The following GLIS3 variants were observed in gnomAD, a reference collection of about 807,000 sequenced individuals.
GLIS3 encodes GLIS family zinc finger 3.
GLIS3 carries 53 observed loss-of-function variants against 78.6 expected under a neutral mutation model. The observed-to-expected ratio is 0.67, with a 90% CI of 0.54 to 0.85. The LOEUF is 0.85. Among genes scored for constraint, GLIS3 ranks in the 40% least tolerant of loss-of-function variants. The probability of loss-of-function intolerance (pLI) is 0.00; values close to 1 mark genes in which losing one functional copy is unlikely to be tolerated. For synonymous variants in GLIS3, 684 were observed against 509.9 expected (o/e 1.34, Z -4.60); for missense variants, 1,703 against 1,231.1 (o/e 1.38, Z -5.74).
At chr9:3,918,091 G>C (rs1341067029) in intron 6 of GLIS3, among the ~76,000 whole-genome samples, 2 of 152,198 alleles carry the variant, frequency 1.3e-5, no homozygotes, top group Non-Finnish European at 2.9e-5. Flanking sequence ...AAAATGTTTA[G>C]GGCTAAATGC....
chr9:4,394,680 T>C, the GLIS3 span, among the ~76,000 whole-genome samples: 4 of 152,232 alleles, frequency 2.6e-5, no homozygotes, highest in African/African-American at 9.6e-5. Context: ...CTGCATTCAT[T>C]TCATTTTTCT....
At chr9:4,195,359 G>C (rs1428968077) in intron 2 of GLIS3, among the ~76,000 whole-genome samples, 3 of 152,206 alleles carry the variant, frequency 2.0e-5, no homozygotes, top group Admixed American at 2.0e-4. Flanking sequence ...CGAGTTCTGG[G>C]TGGGCGTGGG....
chr9:4,078,461 C>A (rs1021167252), intron 4 of GLIS3, among the ~76,000 whole-genome samples: 3 of 152,306 alleles, frequency 2.0e-5, no homozygotes, highest in Non-Finnish European at 4.4e-5. Flanking sequence ...CAATATAATT[C>A]TTCTTGCATG....
chr9:4,055,080 A>C (rs770557367), intron 4 of GLIS3, among the ~76,000 whole-genome samples: 13 of 152,160 alleles, frequency 8.5e-5, no homozygotes, highest in African/African-American at 2.4e-5. Flanking sequence ...GGGTAAGGGG[A>C]GAATGAAAGA....
At chr9:4,269,810 G>C (rs1357332133) in intron 2 of GLIS3, among the ~76,000 whole-genome samples, 1 of 152,170 alleles carries the variant, frequency 6.6e-6, no homozygotes, top group Admixed American at 6.5e-5. Flanking sequence ...TGAAGCACAG[G>C]TTTAGACGGA....
intron 2 of GLIS3, among the ~76,000 whole-genome samples, chr9:4,270,040 G>C (rs796191227): frequency 2.6e-5 from 4 of 152,226 alleles, no homozygotes; most frequent in South Asian, 2.1e-4. Context: ...TCTGCAGTAA[G>C]ACAGACGTGC....
intron 4 of GLIS3, among the ~76,000 whole-genome samples, chr9:3,960,910 G>A (rs1330940130): frequency 6.6e-6 from 1 of 152,170 alleles, no homozygotes; most frequent in Non-Finnish European, 1.5e-5. Flanking sequence ...GCCTGCTGAT[G>A]CTTTTGTAAG....
intron 4 of GLIS3, among the ~76,000 whole-genome samples, chr9:4,023,345 A>G (rs1015533486): frequency 2.0e-5 from 3 of 152,108 alleles, no homozygotes; most frequent in Admixed American, 6.6e-5. Context: ...TTTAAACAAA[A>G]CCCCATTCTG....
At chr9:3,993,157 G>A (rs1055696128) in intron 4 of GLIS3, among the ~76,000 whole-genome samples, 1 of 152,132 alleles carries the variant, frequency 6.6e-6, no homozygotes, top group African/African-American at 2.4e-5. Context: ...AGTCAACAGT[G>A]TCATGAACTG....
chr9:4,275,822 C>T (rs551961999), intron 2 of GLIS3, among the ~76,000 whole-genome samples: 6 of 152,184 alleles, frequency 3.9e-5, no homozygotes, highest in Admixed American at 1.3e-4. Flanking sequence ...AGAATGAGAT[C>T]ACCAGCAAAC....
At chr9:4,251,111 G>A (rs1451101476) in intron 2 of GLIS3, among the ~76,000 whole-genome samples, 1 of 152,182 alleles carries the variant, frequency 6.6e-6, no homozygotes, top group East Asian at 1.9e-4. Context: ...TTCTGTAAAT[G>A]TCTATTAGGT....
Position 3,937,142 on chromosome 9 carries a change from G to C in GLIS3, c.1758C>G (p.Ile586Met). 6.2e-7 allele frequency: 1 copy of C among 1,614,102 alleles called. No homozygotes were observed. Among genetic ancestry groups the C allele is most frequent in the Non-Finnish European group, 8.5e-7 (1 of 1,180,016 alleles). Reference protein sequence around the residue: ...KAFSRLENLKIHLRSHTGEKP... With the variant: ...KAFSRLENLKMHLRSHTGEKP... Reference sequence around the variant, plus strand: ...TCTCGCCTGTGTGGCTCCGCAAGTGGATCTTGAGATTTTCAAGCCTTGAAA... The same window carrying C: ...TCTCGCCTGTGTGGCTCCGCAAGTGCATCTTGAGATTTTCAAGCCTTGAAA... The change falls in exon 5 of 11, where the codon ATC becomes ATG. Residue 586 changes from isoleucine (I) to methionine (M), a missense_variant. Transcript: ENST00000381971.
intron 1 of GLIS3, among the ~76,000 whole-genome samples, chr9:4,298,898 G>A (rs1816855878): frequency 6.6e-6 from 1 of 152,126 alleles, no homozygotes; most frequent in Non-Finnish European, 1.5e-5. Flanking sequence ...CAGCCTTCGT[G>A]AAACTCCACA....
At chr9:4,189,484 C>T (rs201259475) in intron 2 of GLIS3, among the ~76,000 whole-genome samples, 18 of 152,088 alleles carry the variant, frequency 1.2e-4, no homozygotes, top group Non-Finnish European at 1.5e-5. Flanking sequence ...ATTTGTGGTG[C>T]AGAGTTCTGT....
At chr9:3,843,003 G>C (rs945106416) in intron 9 of GLIS3, among the ~76,000 whole-genome samples, 1 of 152,108 alleles carries the variant, frequency 6.6e-6, no homozygotes, top group Non-Finnish European at 1.5e-5. Context: ...CAGTAGATAT[G>C]GATCCAGATG....
At chr9:4,251,694 C>CCT (rs1824406155) in intron 2 of GLIS3, among the ~76,000 whole-genome samples, 2 of 152,082 alleles carry the variant, frequency 1.3e-5, no homozygotes, top group Non-Finnish European at 2.9e-5. Flanking sequence ...GCAGTTTCTT[C>CCT]AGTGTCGATG....
At chr9:4,374,375 G>A in the GLIS3 span, among the ~76,000 whole-genome samples, 1 of 152,196 alleles carries the variant, frequency 6.6e-6, no homozygotes, top group Non-Finnish European at 1.5e-5. Flanking sequence ...TGTTCTCCGG[G>A]CTCCTTGCTA....
chr9:4,032,192 G>C (rs1385190205), intron 4 of GLIS3, among the ~76,000 whole-genome samples: 1 of 152,146 alleles, frequency 6.6e-6, no homozygotes, highest in Non-Finnish European at 1.5e-5. Context: ...AACCACAGAC[G>C]TTCACTACAC....
In GLIS3 at chr9:3,947,847, G is replaced by C. The variant is rs372832997; in HGVS notation, c.1711-10658C>G. Among the ~76,000 whole-genome samples, 7 of 152,342 alleles carry C rather than the reference G, an allele frequency of 4.6e-5. No individual in the cohort carries two copies. In the East Asian group the frequency reaches 1.3e-3, roughly 29 times the overall value. On this transcript the variant is annotated intron_variant, in intron 4 of 10. Transcript: ENST00000381971. ...CTGCGACAAGACAGGGGGAAAGAGA[G>C]TGGCAGAGATATTTTCCTGACACTG...
Sources: gnomAD v4.1 joint callset for allele counts (sites outside exome capture counted in the v4.1 genomes callset) on GRCh38, gnomAD v4.1.1 for gene constraint, MANE v1.5 for transcripts, NCBI Gene and HGNC (gene_info 2026-07-23, HGNC 2026-07-21) for gene names.